NGEF: variants seen among roughly 807,000 people sequenced by gnomAD.
NGEF encodes the protein ephexin-1.
Under a neutral mutation model 80.9 loss-of-function variants are expected in NGEF, and 31 were observed. That is an observed-to-expected ratio of 0.38 (90% CI 0.29 to 0.52). The LOEUF is 0.52. Among genes scored for constraint, NGEF ranks in the 20% least tolerant of loss-of-function variants. The probability of loss-of-function intolerance (pLI) is 0.84; values close to 1 mark genes in which losing one functional copy is unlikely to be tolerated. For synonymous variants in NGEF, 371 were observed against 370.2 expected (o/e 1.00, Z -0.03); for missense variants, 709 against 926.2 (o/e 0.77, Z 3.04).
At chr2:232,967,794 C>T (rs1473798705) in intron 3 of NGEF, among the ~76,000 whole-genome samples, 2 of 151,782 alleles carry the variant, frequency 1.3e-5, no homozygotes, top group African/African-American at 2.4e-5. Context: ...CCACCTTGTC[C>T]TAGGATTCTG....
chr2:232,888,546 T>C (rs75275251), intron 8 of NGEF, among the ~76,000 whole-genome samples: 3 of 151,150 alleles, frequency 2.0e-5, no homozygotes, highest in Non-Finnish European at 3.0e-5. Context: ...TGCATGCACA[T>C]ACATGCATAC....
At chr2:232,905,285 G>A in intron 5 of NGEF, among the ~76,000 whole-genome samples, 1 of 152,200 alleles carries the variant, frequency 6.6e-6, no homozygotes, top group East Asian at 1.9e-4. Flanking sequence ...TATTTTTTTG[G>A]TGGAAACGGG....
intron 1 of NGEF, among the ~76,000 whole-genome samples, chr2:233,011,923 G>A (rs1695215794): frequency 6.6e-6 from 1 of 152,206 alleles, no homozygotes; most frequent in South Asian, 2.1e-4. Flanking sequence ...AGGGATGTGG[G>A]AGGAGAGTGC....
chr2:232,906,802 T>C (rs1442511047), intron 5 of NGEF, among the ~76,000 whole-genome samples: 6 of 151,706 alleles, frequency 4.0e-5, no homozygotes, highest in Non-Finnish European at 8.8e-5. Flanking sequence ...TAGAAAGTAG[T>C]AGACATGGGA....
rs113950141 is a variant in NGEF at position 232,993,004 on chromosome 2, T to C, written c.-74-18040A>G. 4.8e-3 allele frequency among the ~76,000 whole-genome samples: 658 copies of C among 138,164 alleles called. 4 individuals carry two copies. The highest frequency in any genetic ancestry group is 6.4e-3 in the Non-Finnish European group (422 of 65,978). 90.6% of individuals were successfully genotyped at this position (138,164 alleles called of 152,430 possible). A position where few individuals can be genotyped will look rare whatever the true frequency, so the allele number is the denominator to read the frequency against. On this transcript the variant is annotated intron_variant, in intron 1 of 14. Coordinates refer to ENST00000264051, the MANE Select transcript of NGEF (RefSeq NM_019850.3). ...CCTGCCTGAAGTATATATATATATA[T>C]ACACACACACACACACGCACATAAA... is the stretch of plus-strand genomic sequence containing the variant.
At chr2:232,929,501 A>C (rs1366078036) in intron 3 of NGEF, among the ~76,000 whole-genome samples, 1 of 152,196 alleles carries the variant, frequency 6.6e-6, no homozygotes, top group Non-Finnish European at 1.5e-5. Context: ...CCCTGGTGCC[A>C]GAACGGGCAG....
intron 13 of NGEF, 51 bp from the exon 14 acceptor site, chr2:232,881,301 C>CA (rs1164963021): frequency 7.0e-7 from 1 of 1,427,404 alleles, no homozygotes; most frequent in African/African-American, 1.4e-5. Flanking sequence ...TACCCACCTG[C>CA]ACACTCCCAC....
At chr2:232,905,922 C>T (rs1256036050) in intron 5 of NGEF, 1 of 154,294 alleles carries the variant, frequency 6.5e-6, no homozygotes, top group Non-Finnish European at 1.4e-5. Context: ...CCCGGCCAGC[C>T]GCCCCGTCCG....
At chr2:232,997,588 A>G (rs986099297) in intron 1 of NGEF, among the ~76,000 whole-genome samples, 1 of 151,966 alleles carries the variant, frequency 6.6e-6, no homozygotes, top group Non-Finnish European at 1.5e-5. Flanking sequence ...TCGACTCCCT[A>G]TTCTCCCTCA....
chr2:232,928,246 C>G (rs1242197279), intron 3 of NGEF: 28 of 828,306 alleles, frequency 3.4e-5, no homozygotes, highest in Non-Finnish European at 4.1e-5. Context: ...GGCCGGGCGG[C>G]GGCGGGGCGG....
intron 5 of NGEF, among the ~76,000 whole-genome samples, chr2:232,901,005 C>T (rs1176055513): frequency 1.3e-5 from 2 of 152,216 alleles, no homozygotes; most frequent in Admixed American, 6.5e-5. Context: ...TCAAGTCACA[C>T]ATTTGAAAAA....
At chr2:232,930,062 ATC>A (rs1693187436) in intron 3 of NGEF, among the ~76,000 whole-genome samples, 1 of 151,992 alleles carries the variant, frequency 6.6e-6, no homozygotes, top group Admixed American at 6.6e-5. Context: ...AGTCCATTAA[ATC>A]TCTTTTTCTT....
chr2:232,925,564 C>G (rs1368903595), intron 4 of NGEF, among the ~76,000 whole-genome samples: 1 of 152,162 alleles, frequency 6.6e-6, no homozygotes, highest in Admixed American at 6.5e-5. Context: ...ACTTCTGCCA[C>G]CAGCCCAGCA....
chr2:232,901,304 G>T, intron 5 of NGEF: 1 of 935,448 alleles, frequency 1.1e-6, no homozygotes, highest in Non-Finnish European at 1.3e-6. Flanking sequence ...GATCAACCCT[G>T]CGTTCCCCAC....
At chr2:232,916,390 C>T (rs1377293737) in intron 5 of NGEF, among the ~76,000 whole-genome samples, 1 of 152,134 alleles carries the variant, frequency 6.6e-6, no homozygotes, top group African/African-American at 2.4e-5. Flanking sequence ...GAAACCTAGG[C>T]AGTTGGGCAC....
At chr2:232,886,185 C>T (rs1691681229) in intron 9 of NGEF, among the ~76,000 whole-genome samples, 1 of 148,352 alleles carries the variant, frequency 6.7e-6, no homozygotes, top group Non-Finnish European at 1.5e-5. Flanking sequence ...TATGTATGTG[C>T]CATGTGTGCT....
chr2:232,939,620 A>T (rs778352), intron 3 of NGEF, among the ~76,000 whole-genome samples: 38,229 of 152,136 alleles, frequency 0.25, 5,210 homozygotes, highest in Non-Finnish European at 0.31. Flanking sequence ...ACTTTACATT[A>T]CCTATTGAAA....
At chr2:232,963,921 A>G (rs1375726847) in intron 3 of NGEF, among the ~76,000 whole-genome samples, 9 of 152,240 alleles carry the variant, frequency 5.9e-5, no homozygotes, top group African/African-American at 1.4e-4. Flanking sequence ...AATTAAAAAT[A>G]TAATAAAAAA....
At chr2:232,901,354 C>T (rs1692349945) in intron 5 of NGEF, 2 of 985,308 alleles carry the variant, frequency 2.0e-6, no homozygotes. Context: ...CTCCTCCCCG[C>T]TCTTTACCTA....
Sources: allele counts gnomAD v4.1 joint callset (sites outside exome capture counted in the v4.1 genomes callset), GRCh38; gene constraint gnomAD v4.1.1; transcripts MANE v1.5; gene names NCBI Gene and HGNC (gene_info 2026-07-23, HGNC 2026-07-21).